Variants in MLLT1 observed in about 807,000 individuals in gnomAD.
MLLT1 encodes protein ENL.
Under a neutral mutation model 55.1 loss-of-function variants are expected in MLLT1, and 11 were observed. The ratio of observed to expected loss-of-function variants is 0.20; its 90% CI spans 0.13 to 0.33. MLLT1 has a LOEUF of 0.33. MLLT1 is among the 10% of genes least tolerant of loss of function. The pLI, the probability that MLLT1 is intolerant of heterozygous loss-of-function variation, is 1.00. For synonymous variants in MLLT1, 323 were observed against 320.1 expected, an observed-to-expected ratio of 1.01 and a Z score of -0.10; for missense variants, 536 against 760.6, an observed-to-expected ratio of 0.70 and a Z score of 3.47.
chr19:6,266,749 G>A (rs962576630), intron 2 of MLLT1, among the ~76,000 whole-genome samples: 23 of 152,212 alleles, frequency 1.5e-4, no homozygotes, highest in African/African-American at 5.3e-4. Flanking sequence ...GAGCCACTGC[G>A]CCCAGCCAGA....
At chr19:6,274,134 C>T (rs894896796) in intron 1 of MLLT1, among the ~76,000 whole-genome samples, 1 of 152,238 alleles carries the variant, frequency 6.6e-6, no homozygotes, top group African/African-American at 2.4e-5. Flanking sequence ...CCAACAGATG[C>T]GAAGTTCGGG....
At chr19:6,234,761 G>A (rs1432904832) in intron 3 of MLLT1, among the ~76,000 whole-genome samples, 2 of 152,188 alleles carry the variant, frequency 1.3e-5, no homozygotes, top group Non-Finnish European at 1.5e-5. Flanking sequence ...ACATGGTCCT[G>A]ACTCTTCACC....
intron 2 of MLLT1, among the ~76,000 whole-genome samples, chr19:6,264,099 A>G (rs1238050711): frequency 6.6e-6 from 1 of 152,162 alleles, no homozygotes; most frequent in African/African-American, 2.4e-5. Flanking sequence ...ACACATTACA[A>G]GAGTGAATTT....
Position 6,211,929 on chromosome 19 carries a change from G to A in MLLT1, c.*1113C>T. 2.8e-6 allele frequency: 3 copies of A among 1,065,306 alleles called. No homozygotes were observed. The highest frequency in any genetic ancestry group is 3.4e-6 in the Non-Finnish European group (3 of 879,092). 66.0% of individuals were successfully genotyped at this position (1,065,306 alleles called of 1,614,324 possible). On this transcript the variant is annotated 3_prime_UTR_variant, in exon 12 of 12. Transcript: ENST00000252674. This position sits in a 1 kb window ranked among gnomAD's most constrained non-coding sequence, Gnocchi z 4.6. ...GGGCCAGGCCGCGACCAGAGAGAAA[G>A]GCAGCCTGGGAGGGCCAGCCCGGCC...
rs2090788638 is a variant in MLLT1 at position 6,212,615 on chromosome 19, A to G, written c.*427T>C. On this transcript the variant is annotated 3_prime_UTR_variant, in exon 12 of 12. Transcript: ENST00000252674. ...GCCTTCTGAGGTCCAGGGTGGGCGG[A>G]GGGTGTGTTCTGAACCATTCGGGAG... The G allele has an allele frequency of 3.7e-6, 4 of 1,091,412 alleles. No individual in the cohort carries two copies. The highest frequency in any genetic ancestry group is 4.5e-6 in the Non-Finnish European group (4 of 897,414). The allele number at this position is 1,091,412 out of a possible 1,614,324, so 67.6% of individuals were successfully genotyped here.
rs76410220 is a variant in MLLT1, at chr19:6,227,984, C to G, written c.421-882G>C. Among the ~76,000 whole-genome samples the G allele has an allele frequency of 0.013, 1,934 of 152,324 alleles. 46 individuals carry two copies. Among genetic ancestry groups the G allele is most frequent in the African/African-American group, 0.044 (1,843 of 41,574 alleles). ...AAGCACTGCTAACAGCCTTGAGCACCTGCAGTTCCCGGCCAGCCAAGCCTT... is the reference window on the plus strand; with the variant it reads ...AAGCACTGCTAACAGCCTTGAGCACGTGCAGTTCCCGGCCAGCCAAGCCTT... On this transcript the variant is annotated intron_variant, in intron 4 of 11. Transcript: ENST00000252674. The surrounding 1 kb of genome is among the most constrained non-coding windows in gnomAD (Gnocchi z 5.1).
rs2091413752 is a variant in MLLT1, at chr19:6,273,929, G to A, written c.13-3170C>T. On this transcript the variant is annotated intron_variant, in intron 1 of 11. Coordinates refer to ENST00000252674, the MANE Select transcript of MLLT1 (RefSeq NM_005934.4). This position sits in a 1 kb window ranked among gnomAD's most constrained non-coding sequence, Gnocchi z 4.3. Reference sequence around the variant, plus strand: ...AAGAGTGAAAGACCGCGGTTCCACTGGAGAGGGGGAGGATGGAAGCACCAG... The same window carrying A: ...AAGAGTGAAAGACCGCGGTTCCACTAGAGAGGGGGAGGATGGAAGCACCAG... Among the ~76,000 whole-genome samples, 1 of 152,236 alleles carries A rather than the reference G, an allele frequency of 6.6e-6. No individual in the cohort carries two copies. Among genetic ancestry groups the A allele is most frequent in the Non-Finnish European group, 1.5e-5 (1 of 68,034 alleles).
chr19:6,278,148 C>T (rs867761568), intron 1 of MLLT1, among the ~76,000 whole-genome samples: 3 of 152,350 alleles, frequency 2.0e-5, no homozygotes, highest in South Asian at 2.1e-4. Context: ...CCCCAACCTG[C>T]CCTCTCTAAC....
intron 2 of MLLT1, among the ~76,000 whole-genome samples, chr19:6,266,320 C>T (rs958213453): frequency 2.7e-5 from 4 of 150,704 alleles, no homozygotes; most frequent in East Asian, 1.9e-4. Flanking sequence ...GGATTTTCAG[C>T]TTAGGGATTC....
chr19:6,275,053 C>T (rs1200132067), intron 1 of MLLT1, among the ~76,000 whole-genome samples: 4 of 152,256 alleles, frequency 2.6e-5, no homozygotes, highest in Non-Finnish European at 5.9e-5. Context: ...GAGCCGCGAG[C>T]CAGCCTTGTT....
chr19:6,269,462 G>C (rs966333291), intron 2 of MLLT1, among the ~76,000 whole-genome samples: 1 of 152,254 alleles, frequency 6.6e-6, no homozygotes, highest in Non-Finnish European at 1.5e-5. Context: ...GAAGGAAAAG[G>C]GGAAAAGGTG....
Position 6,231,658 on chromosome 19 carries a change from C to T in MLLT1, c.277-945G>A, listed in dbSNP as rs949063586. Among the ~76,000 whole-genome samples the T allele has an allele frequency of 3.3e-5, 5 of 152,048 alleles. No homozygotes were observed. The highest frequency in any genetic ancestry group is 6.5e-5 in the Admixed American group (1 of 15,278). Reference sequence around the variant, plus strand: ...CTGGGACTACAGGCGCCCGCCACCACGTCTGGCTAATTTTTTGTATTTTCA... The same window carrying T: ...CTGGGACTACAGGCGCCCGCCACCATGTCTGGCTAATTTTTTGTATTTTCA... On this transcript the variant is annotated intron_variant, in intron 3 of 11. Coordinates refer to ENST00000252674, the MANE Select transcript of MLLT1 (RefSeq NM_005934.4). This position sits in a 1 kb window ranked among gnomAD's most constrained non-coding sequence, Gnocchi z 5.1.
At position 6,262,371 on chromosome 19, in the gene MLLT1, A is replaced by T; in HGVS notation, c.194-61T>A. 6.8e-7 allele frequency: 1 copy of T among 1,467,764 alleles called. No homozygotes were observed. Among genetic ancestry groups the T allele is most frequent in the Non-Finnish European group, 9.5e-7 (1 of 1,055,152 alleles). The allele number at this position is 1,467,764 out of a possible 1,614,324, so 90.9% of individuals were successfully genotyped here. A position where few individuals can be genotyped will look rare whatever the true frequency, so the allele number is the denominator to read the frequency against. On this transcript the variant is annotated intron_variant, in intron 2 of 11. Coordinates refer to ENST00000252674, the MANE Select transcript of MLLT1 (RefSeq NM_005934.4). This position sits in a 1 kb window ranked among gnomAD's most constrained non-coding sequence, Gnocchi z 4.4. ...CCTGCCTGTTTCAGGCCCAGCTGCC[A>T]GCGGCAGTACCGCACCCCTCAACCC...
chr19:6,255,159 G>A (rs1250314079), intron 3 of MLLT1, among the ~76,000 whole-genome samples: 1 of 152,126 alleles, frequency 6.6e-6, no homozygotes, highest in Non-Finnish European at 1.5e-5. Flanking sequence ...AGGGAATTAG[G>A]AAAGAATTCC....
chr19:6,234,754 T>C (rs2091043770), intron 3 of MLLT1, among the ~76,000 whole-genome samples: 3 of 152,140 alleles, frequency 2.0e-5, no homozygotes. Flanking sequence ...GTGGGACACA[T>C]GGTCCTGACT....
At position 6,222,172 on chromosome 19, in the gene MLLT1, G is replaced by T; in HGVS notation, c.1059C>A (p.Ala353=). 6.3e-7 allele frequency: 1 copy of T among 1,581,536 alleles called. No homozygotes were observed. The highest frequency in any genetic ancestry group is 8.6e-7 in the Non-Finnish European group (1 of 1,163,280). Reference sequence around the variant, plus strand: ...CTGAGTTGGACTCCTCCACCTCCAGGGCCTTTTTGGCCTCCCGGGGCTCAC... The same window carrying T: ...CTGAGTTGGACTCCTCCACCTCCAGTGCCTTTTTGGCCTCCCGGGGCTCAC... The part of the protein sequence containing the change: ...AESEPREAKK[A]LEVEESNSED... The change falls in exon 6 of 12, where the codon GCC becomes GCA. Residue 353 remains alanine (A), a synonymous_variant. Coordinates refer to ENST00000252674, the MANE Select transcript of MLLT1 (RefSeq NM_005934.4). This position sits in a 1 kb window ranked among gnomAD's most constrained non-coding sequence, Gnocchi z 4.1.
Position 6,245,486 on chromosome 19 carries a change from G to A in MLLT1, c.277-14773C>T, listed in dbSNP as rs549849016. Among the ~76,000 whole-genome samples the A allele has an allele frequency of 5.0e-4, 76 of 151,848 alleles. 3 individuals carry two copies. In the South Asian group the frequency reaches 0.015, roughly 31 times the overall value. On this transcript the variant is annotated intron_variant, in intron 3 of 11. Coordinates refer to ENST00000252674, the MANE Select transcript of MLLT1 (RefSeq NM_005934.4). The stretch of plus-strand genomic sequence containing the variant: ...AGCACTTTGGGAGGCCGAGGTGGGC[G>A]GATCACGAGGTCAGGAGATCGAGAC...
At chr19:6,244,428 C>T (rs2091147707) in intron 3 of MLLT1, among the ~76,000 whole-genome samples, 2 of 151,834 alleles carry the variant, frequency 1.3e-5, no homozygotes, top group Admixed American at 1.3e-4. Context: ...TAGATACCCA[C>T]TACCCTTTGA....
intron 3 of MLLT1, among the ~76,000 whole-genome samples, chr19:6,243,999 A>C (rs928989060): frequency 6.8e-6 from 1 of 146,304 alleles, no homozygotes; most frequent in African/African-American, 2.6e-5. Context: ...AGCCGAGATC[A>C]CGCCACTGCA....
Sources: allele counts gnomAD v4.1 joint callset (sites outside exome capture counted in the v4.1 genomes callset), GRCh38; gene constraint gnomAD v4.1.1; non-coding constraint Gnocchi (gnomAD v3.1); transcripts MANE v1.5; gene names NCBI Gene and HGNC (gene_info 2026-07-23, HGNC 2026-07-21).